The following MACF1 variants were observed in gnomAD, a reference collection of about 807,000 sequenced individuals.
MACF1 encodes the protein microtubule actin crosslinking factor 1.
In MACF1, 193 loss-of-function variants were observed where a neutral mutation model predicts 854.8. The observed-to-expected ratio is 0.23, with a 90% CI of 0.20 to 0.25. MACF1 has a LOEUF of 0.25. Among genes scored for constraint, MACF1 ranks in the 10% least tolerant of loss-of-function variants. MACF1 has a pLI of 1.00. For missense variants in MACF1, 7,722 were observed against 8,929.1 expected, an observed-to-expected ratio of 0.86 and a Z score of 5.45; for synonymous variants, 3,185 against 3,226.7, an observed-to-expected ratio of 0.99 and a Z score of 0.44.
At chr1:39,184,653 A>G (rs528873185) in intron 2 of MACF1, among the ~76,000 whole-genome samples, 3 of 152,220 alleles carry the variant, frequency 2.0e-5, no homozygotes, top group Admixed American at 6.5e-5. Context: ...ATCTTTTCAT[A>G]TCGCAAAGCA....
At chr1:39,329,610 G>A (rs1052194317) in intron 36 of MACF1, among the ~76,000 whole-genome samples, 1 of 152,110 alleles carries the variant, frequency 6.6e-6, no homozygotes, top group Admixed American at 6.5e-5. Flanking sequence ...TCAGAAAGTA[G>A]CACTGACCAA....
chr1:39,201,510 G>GC (rs1644389517), upstream of MACF1, among the ~76,000 whole-genome samples: 1 of 151,966 alleles, frequency 6.6e-6, no homozygotes, highest in African/African-American at 2.4e-5. Context: ...GTGCCACCAC[G>GC]CCCGGCTTAT....
At chr1:39,257,632 T>A in intron 5 of MACF1, 1 of 274,374 alleles carries the variant, frequency 3.6e-6, no homozygotes, top group South Asian at 4.5e-5. Context: ...TGCTGCATGA[T>A]CCCATTTATC....
At position 39,357,728 on chromosome 1, in the gene MACF1, T is replaced by C; in HGVS notation, c.11778T>C (p.Asp3926=). The C allele has an allele frequency of 6.2e-7, 1 of 1,614,116 alleles. No individual in the cohort carries two copies. The highest frequency in any genetic ancestry group is 8.5e-7 in the Non-Finnish European group (1 of 1,180,014). The part of the protein sequence containing the change: ...LLKRQGSFSE[D]VISHKGDLRF... ...AGCGGCAAGGAAGCTTCTCAGAGGATGTCATTTCCCACAAAGGAGACTTGA... is the reference window on the plus strand; with the variant it reads ...AGCGGCAAGGAAGCTTCTCAGAGGACGTCATTTCCCACAAAGGAGACTTGA... Residue 3926 remains aspartate (D), a synonymous_variant, in exon 45 of 101, where the codon GAT becomes GAC. Transcript: ENST00000564288.
chr1:39,221,540 C>A (rs1644651859), intron 1 of MACF1, among the ~76,000 whole-genome samples: 1 of 152,174 alleles, frequency 6.6e-6, no homozygotes, highest in Non-Finnish European at 1.5e-5. Context: ...AAATCGGTAA[C>A]CTCTTTCTGT....
At chr1:39,244,086 T>C (rs1465678915) in intron 2 of MACF1, among the ~76,000 whole-genome samples, 1 of 151,986 alleles carries the variant, frequency 6.6e-6, no homozygotes, top group Non-Finnish European at 1.5e-5. Flanking sequence ...TTTGATAGTT[T>C]TATTTATTTA....
chr1:39,335,770 T>C lies in MACF1; in HGVS notation c.9182T>C (p.Leu3061Ser). ...QGISVKHLDA[L>S]TLFSSKQANE... is the part of the protein sequence containing the mutation. Reference sequence around the variant, plus strand: ...ATTTCTGTAAAACATTTAGATGCTTTAACACTCTTCAGCTCTAAACAGGCC... The same window carrying C: ...ATTTCTGTAAAACATTTAGATGCTTCAACACTCTTCAGCTCTAAACAGGCC... The change falls in exon 37 of 101, where the codon TTA becomes TCA. Residue 3061 changes from leucine to serine, a missense_variant. Transcript: ENST00000564288. The C allele has an allele frequency of 1.2e-6, 2 of 1,614,180 alleles. No homozygotes were observed. Among genetic ancestry groups the C allele is most frequent in the Non-Finnish European group, 1.7e-6 (2 of 1,180,012 alleles).
chr1:39,393,196 AATATATATATATAT>A (rs1553345251), intron 58 of MACF1, among the ~76,000 whole-genome samples: 3 of 66,576 alleles, frequency 4.5e-5, no homozygotes, highest in Non-Finnish European at 5.1e-5. Flanking sequence ...AAAAAAAAAA[AATATATATATATAT>A]ATATATATAT....
At chr1:39,131,457 G>A (rs1643004104) in intron 2 of MACF1, among the ~76,000 whole-genome samples, 1 of 151,806 alleles carries the variant, frequency 6.6e-6, no homozygotes, top group African/African-American at 2.4e-5. Flanking sequence ...ATAGGTGTGA[G>A]ACACCTTGTC....
At chr1:39,294,513 A>G (rs566323698) in intron 18 of MACF1, among the ~76,000 whole-genome samples, 1 of 152,370 alleles carries the variant, frequency 6.6e-6, no homozygotes, top group East Asian at 1.9e-4. Flanking sequence ...CTATAATACA[A>G]TAAACAGGCT....
intron 15 of MACF1, among the ~76,000 whole-genome samples, chr1:39,291,189 C>T (rs1347082535): frequency 6.6e-6 from 1 of 152,040 alleles, no homozygotes; most frequent in Admixed American, 6.6e-5. Context: ...GTTGGCCAGG[C>T]TGGTCTCGAA....
At chr1:39,202,960 C>T (rs1476783603), upstream of MACF1, among the ~76,000 whole-genome samples, 4 of 152,048 alleles carry the variant, frequency 2.6e-5, no homozygotes, top group Non-Finnish European at 5.9e-5. Flanking sequence ...CCGTCAAGGC[C>T]CCTTTATTAT....
chr1:39,255,273 G>T (rs1400151345), intron 5 of MACF1, among the ~76,000 whole-genome samples: 1 of 152,098 alleles, frequency 6.6e-6, no homozygotes, highest in African/African-American at 2.4e-5. Context: ...GAGCACAAGT[G>T]GTGTGGCCAT....
chr1:39,250,994 A>G (rs1364587512), intron 3 of MACF1, among the ~76,000 whole-genome samples: 1 of 152,228 alleles, frequency 6.6e-6, no homozygotes, highest in Admixed American at 6.5e-5. Context: ...TAGAGAACCA[A>G]AGAGATGTAT....
intron 58 of MACF1, chr1:39,410,978 A>T: frequency 1.2e-6 from 2 of 1,613,988 alleles, no homozygotes; most frequent in Non-Finnish European, 1.7e-6. Flanking sequence ...GTAGAATCAG[A>T]AGCTGTAGCA....
intron 71 of MACF1, among the ~76,000 whole-genome samples, chr1:39,438,796 T>C (rs1416590301): frequency 7.4e-6 from 1 of 135,108 alleles, no homozygotes; most frequent in East Asian, 2.2e-4. Flanking sequence ...AAGAAATAAA[T>C]AATAGGCCGG....
At chr1:39,257,775 T>G (rs2148342093) in intron 5 of MACF1, 161 bp from the exon 6 acceptor site, 1 of 586,790 alleles carries the variant, frequency 1.7e-6, no homozygotes, top group East Asian at 3.0e-5. Context: ...GAAACTGTTT[T>G]GTGGTGGTAG....
intron 97 of MACF1, among the ~76,000 whole-genome samples, chr1:39,476,587 G>C (rs946495337): frequency 2.0e-5 from 3 of 150,942 alleles, no homozygotes; most frequent in Non-Finnish European, 4.4e-5. Flanking sequence ...AAAAAAGAAA[G>C]AAAGAAATTT....
chr1:39,151,219 C>T (rs1027820143), intron 2 of MACF1, among the ~76,000 whole-genome samples: 3 of 152,102 alleles, frequency 2.0e-5, no homozygotes, highest in Admixed American at 2.0e-4. Context: ...CCTACCAGAC[C>T]CCAATTCAAA....
Sources: gnomAD v4.1 joint callset for allele counts (sites outside exome capture counted in the v4.1 genomes callset) on GRCh38, gnomAD v4.1.1 for gene constraint, MANE v1.5 for transcripts, NCBI Gene and HGNC (gene_info 2026-07-23, HGNC 2026-07-21) for gene names.